RFTN1: variants seen among roughly 807,000 people sequenced by gnomAD.
RFTN1 encodes raftlin, lipid raft linker 1, also known as raftlin.
A neutral mutation model predicts 46.5 loss-of-function variants in RFTN1; 26 were observed. That is an observed-to-expected ratio of 0.56 (90% CI 0.41 to 0.78). The LOEUF is 0.78. Among genes scored for constraint, RFTN1 ranks in the 30% least tolerant of loss-of-function variants. The pLI, the probability that RFTN1 is intolerant of heterozygous loss-of-function variation, is 0.00. For missense variants in RFTN1, 693 were observed against 718.7 expected, an observed-to-expected ratio of 0.96 and a Z score of 0.41; for synonymous variants, 261 against 284.2, an observed-to-expected ratio of 0.92 and a Z score of 0.82.
At position 16,452,159 on chromosome 3, in the gene RFTN1, G is replaced by A; in HGVS notation, c.146-18122C>T. Reference sequence around the variant, plus strand: ...TTTCATTTCATATTTTGGAAACACGGTTGACTATAGGTAACCAAAACCACA... The same window carrying A: ...TTTCATTTCATATTTTGGAAACACGATTGACTATAGGTAACCAAAACCACA... On this transcript the variant is annotated intron_variant, in intron 2 of 9. Transcript: ENST00000334133. The surrounding 1 kb of genome is among the most constrained non-coding windows in gnomAD (Gnocchi z 6.3). 6.6e-6 allele frequency among the ~76,000 whole-genome samples: 1 copy of A among 152,066 alleles called. No individual in the cohort carries two copies. The highest frequency in any genetic ancestry group is 1.9e-4 in the East Asian group (1 of 5,200).
chr3:16,493,302 G>A (rs907269683), intron 2 of RFTN1, among the ~76,000 whole-genome samples: 2 of 151,824 alleles, frequency 1.3e-5, no homozygotes, highest in East Asian at 1.9e-4. Flanking sequence ...CGTGATCTCG[G>A]CTCACTGCAA....
At chr3:16,470,373 G>T (rs1170402982) in intron 2 of RFTN1, among the ~76,000 whole-genome samples, 1 of 152,208 alleles carries the variant, frequency 6.6e-6, no homozygotes, top group Non-Finnish European at 1.5e-5. Flanking sequence ...CACTGGGCGA[G>T]GTTTTGTCTC....
At chr3:16,435,917 AAT>A (rs10575645) in intron 2 of RFTN1, among the ~76,000 whole-genome samples, 86,456 of 141,856 alleles carry the variant, frequency 0.61, 26,856 homozygotes, top group South Asian at 0.74. Flanking sequence ...CAGAGATGTA[AAT>A]ATATATATAT....
Position 16,322,685 on chromosome 3 carries a change from T to G in RFTN1, c.1332+691A>C, listed in dbSNP as rs1279089432. Among the ~76,000 whole-genome samples, 1 of 152,160 alleles carries G rather than the reference T, an allele frequency of 6.6e-6. No individual in the cohort carries two copies. Among genetic ancestry groups the G allele is most frequent in the East Asian group, 1.9e-4 (1 of 5,184 alleles). On this transcript the variant is annotated intron_variant, in intron 9 of 9. Transcript: ENST00000334133. This position sits in a 1 kb window ranked among gnomAD's most constrained non-coding sequence, Gnocchi z 6.2. The stretch of plus-strand genomic sequence containing the variant: ...ATCTGGCACAAGGGTTGCCGACACT[T>G]GCACCTCGTACAGCCCTTGTGCTCA...
intron 2 of RFTN1, among the ~76,000 whole-genome samples, chr3:16,461,608 A>G (rs540475219): frequency 3.3e-5 from 5 of 152,356 alleles, no homozygotes; most frequent in South Asian, 2.1e-4. Context: ...TTATACAATT[A>G]CACGATATGA....
intron 2 of RFTN1, among the ~76,000 whole-genome samples, chr3:16,464,031 T>C (rs181381058): frequency 6.6e-6 from 1 of 152,216 alleles, no homozygotes; most frequent in East Asian, 1.9e-4. Context: ...ATCCTTATTG[T>C]CTCAGCACCA....
chr3:16,391,804 TCA>T (rs1370841466), intron 4 of RFTN1, among the ~76,000 whole-genome samples: 2 of 148,114 alleles, frequency 1.4e-5, no homozygotes, highest in Non-Finnish European at 3.0e-5. Flanking sequence ...GACCATAGAC[TCA>T]CAGAATATCA....
At position 16,370,381 on chromosome 3, in the gene RFTN1, A is replaced by G; in HGVS notation, c.827-102T>C. 1 of 1,018,412 alleles carries G rather than the reference A, an allele frequency of 9.8e-7. No individual in the cohort carries two copies. Among genetic ancestry groups the G allele is most frequent in the South Asian group, 1.4e-5 (1 of 73,302 alleles). 63.1% of individuals were successfully genotyped at this position (1,018,412 alleles called of 1,614,324 possible). On this transcript the variant is annotated intron_variant, in intron 5 of 9. Transcript: ENST00000334133. This position sits in a 1 kb window ranked among gnomAD's most constrained non-coding sequence, Gnocchi z 5.5. ...AATCTCTCAGGAGCCTGAATAAATG[A>G]TATGATGAATGCTGAAATCTCTGTG...
Position 16,391,707 on chromosome 3 carries a change from C to T in RFTN1, c.442-13605G>A, listed in dbSNP as rs186465453. On this transcript the variant is annotated intron_variant, in intron 4 of 9. Coordinates refer to ENST00000334133, the MANE Select transcript of RFTN1 (RefSeq NM_015150.2). ...TTCACAAAATGAGGGTATATGGCAC[C>T]GAAACGCAGCACACCACTATCATAA... Among the ~76,000 whole-genome samples, 10 of 152,044 alleles carry T rather than the reference C, an allele frequency of 6.6e-5. No homozygotes were observed. In the East Asian group the frequency reaches 1.7e-3, roughly 26 times the overall value.
intron 3 of RFTN1, among the ~76,000 whole-genome samples, chr3:16,432,116 C>T (rs55781532): frequency 0.3 from 45,380 of 152,142 alleles, 7,717 homozygotes; most frequent in Non-Finnish European, 0.39. Context: ...TAAATATAAG[C>T]TACTGTCATT....
rs2072802014 is a variant in RFTN1 at position 16,361,162 on chromosome 3, T to C, written c.1031-3115A>G. Among the ~76,000 whole-genome samples, 1 of 152,212 alleles carries C rather than the reference T, an allele frequency of 6.6e-6. No homozygotes were observed. Among genetic ancestry groups the C allele is most frequent in the African/African-American group, 2.4e-5 (1 of 41,452 alleles). Reference sequence around the variant, plus strand: ...GTTTTTTAAAACTATGGGGAGATGATTTTAGTGTAATCTAAATAGAAAAAC... The same window carrying C: ...GTTTTTTAAAACTATGGGGAGATGACTTTAGTGTAATCTAAATAGAAAAAC... On this transcript the variant is annotated intron_variant, in intron 6 of 9. Transcript: ENST00000334133. The surrounding 1 kb of genome is among the most constrained non-coding windows in gnomAD (Gnocchi z 4.3).
intron 1 of RFTN1, among the ~76,000 whole-genome samples, chr3:16,502,203 C>T (rs1466472792): frequency 4.0e-5 from 6 of 151,804 alleles, no homozygotes; most frequent in African/African-American, 1.5e-4. Context: ...TCTGTCTCTA[C>T]AAAAAAATTT....
Position 16,385,608 on chromosome 3 carries a change from A to G in RFTN1, c.442-7506T>C, listed in dbSNP as rs1351796857. 6.6e-6 allele frequency among the ~76,000 whole-genome samples: 1 copy of G among 152,198 alleles called. No individual in the cohort carries two copies. The highest frequency in any genetic ancestry group is 1.5e-5 in the Non-Finnish European group (1 of 68,036). On this transcript the variant is annotated intron_variant, in intron 4 of 9. Transcript: ENST00000334133. The surrounding 1 kb of genome is among the most constrained non-coding windows in gnomAD (Gnocchi z 5.0). Reference sequence around the variant, plus strand: ...TGAAGATACTAATATTCATTTATTCATTCCATAACTACTTACTGAATACCA... The same window carrying G: ...TGAAGATACTAATATTCATTTATTCGTTCCATAACTACTTACTGAATACCA...
chr3:16,506,989 T>C lies in RFTN1; in HGVS notation c.-9+6453A>G, dbSNP rs143757483. On this transcript the variant is annotated intron_variant, in intron 1 of 9. Transcript: ENST00000334133. The surrounding 1 kb of genome is among the most constrained non-coding windows in gnomAD (Gnocchi z 4.8). Reference sequence around the variant, plus strand: ...AACAGTACAGCACAGGGGTTGGTCATACAGGCTCTGGAACCAGACTGACTA... The same window carrying C: ...AACAGTACAGCACAGGGGTTGGTCACACAGGCTCTGGAACCAGACTGACTA... Among the ~76,000 whole-genome samples, 1 of 152,356 alleles carries C rather than the reference T, an allele frequency of 6.6e-6. No individual in the cohort carries two copies. Among genetic ancestry groups the C allele is most frequent in the Non-Finnish European group, 1.5e-5 (1 of 68,028 alleles).
rs374722468 is a variant in RFTN1 at position 16,462,200 on chromosome 3, G to C, written c.146-28163C>G. On this transcript the variant is annotated intron_variant, in intron 2 of 9. Transcript: ENST00000334133. ...CTTCTGTACAATGGTGGTAATAAGG[G>C]AACCTGATTTATAGAGTCAGAACAA... 6.1e-4 allele frequency among the ~76,000 whole-genome samples: 93 copies of C among 152,302 alleles called. 5 individuals carry two copies. The Middle Eastern group carries it at 0.031, about 50-fold the overall frequency.
Position 16,460,741 on chromosome 3 carries a change from T to C in RFTN1, c.146-26704A>G, listed in dbSNP as rs2075994862. Among the ~76,000 whole-genome samples, 1 of 152,152 alleles carries C rather than the reference T, an allele frequency of 6.6e-6. No homozygotes were observed. The highest frequency in any genetic ancestry group is 6.5e-5 in the Admixed American group (1 of 15,278). The stretch of plus-strand genomic sequence containing the variant: ...TTGAGCCTCATTTTCCATGCCAAAA[T>C]TCAGGATTTAAGGTCTAAAACCATA... On this transcript the variant is annotated intron_variant, in intron 2 of 9. Transcript: ENST00000334133. The surrounding 1 kb of genome is among the most constrained non-coding windows in gnomAD (Gnocchi z 4.8).
rs188399090 is a variant in RFTN1 at position 16,401,471 on chromosome 3, G to A, written c.441+7904C>T. 1.1e-3 allele frequency among the ~76,000 whole-genome samples: 163 copies of A among 152,102 alleles called. 1 individual carries two copies. The highest frequency in any genetic ancestry group is 4.8e-3 in the Admixed American group (74 of 15,278). ...ACAACTGCTCTTGCAAAACTTACCCGTGGCATCCAGTGGCCAAACCCGGTG... is the reference window on the plus strand; with the variant it reads ...ACAACTGCTCTTGCAAAACTTACCCATGGCATCCAGTGGCCAAACCCGGTG... On this transcript the variant is annotated intron_variant, in intron 4 of 9. Coordinates refer to ENST00000334133, the MANE Select transcript of RFTN1 (RefSeq NM_015150.2).
chr3:16,356,403 C>T lies in RFTN1; in HGVS notation c.1146+1529G>A, dbSNP rs573696199. Among the ~76,000 whole-genome samples the T allele has an allele frequency of 1.2e-4, 19 of 152,336 alleles. No homozygotes were observed. In the South Asian group the frequency reaches 3.1e-3, roughly 25 times the overall value. The stretch of plus-strand genomic sequence containing the variant: ...CCCCGGATGCTGTGACTTTCCAACT[C>T]CTGCTTCTGACGACTCCAGTTCCTT... On this transcript the variant is annotated intron_variant, in intron 7 of 9. Coordinates refer to ENST00000334133, the MANE Select transcript of RFTN1 (RefSeq NM_015150.2). This position sits in a 1 kb window ranked among gnomAD's most constrained non-coding sequence, Gnocchi z 4.9.
At position 16,372,553 on chromosome 3, in the gene RFTN1, C is replaced by G. The variant is rs528898931; in HGVS notation, c.827-2274G>C. Among the ~76,000 whole-genome samples the G allele has an allele frequency of 2.6e-5, 4 of 152,312 alleles. No individual in the cohort carries two copies. The East Asian group carries it at 7.7e-4, about 29-fold the overall frequency. On this transcript the variant is annotated intron_variant, in intron 5 of 9. Transcript: ENST00000334133. Reference sequence around the variant, plus strand: ...AGAAGAAGAAGAAAAAAATCACAGCCTCTGTGTGGGAGAAGTAGGTGGGGA... The same window carrying G: ...AGAAGAAGAAGAAAAAAATCACAGCGTCTGTGTGGGAGAAGTAGGTGGGGA...
Sources: gnomAD v4.1 joint callset for allele counts (sites outside exome capture counted in the v4.1 genomes callset) on GRCh38, gnomAD v4.1.1 for gene constraint, Gnocchi (gnomAD v3.1) non-coding constraint, MANE v1.5 for transcripts, NCBI Gene and HGNC (gene_info 2026-07-23, HGNC 2026-07-21) for gene names.